The following CCSER1 variants were observed in gnomAD, a reference collection of about 807,000 sequenced individuals.
CCSER1 encodes the protein coiled-coil serine rich protein 1.
CCSER1 carries 41 observed loss-of-function variants against 82.0 expected under a neutral mutation model. The observed-to-expected ratio is 0.50, with a 90% CI of 0.39 to 0.65. The LOEUF is 0.65. CCSER1 is among the 30% of genes least tolerant of loss of function. The probability of loss-of-function intolerance (pLI) is 0.00; values close to 1 mark genes in which losing one functional copy is unlikely to be tolerated. For synonymous variants in CCSER1, 414 were observed against 383.9 expected, an observed-to-expected ratio of 1.08 and a Z score of -0.92; for missense variants, 1,119 against 1,064.2, an observed-to-expected ratio of 1.05 and a Z score of -0.72.
intron 9 of CCSER1, among the ~76,000 whole-genome samples, chr4:90,971,966 A>G (rs1735152249): frequency 6.6e-6 from 1 of 151,954 alleles, no homozygotes; most frequent in Non-Finnish European, 1.5e-5. Flanking sequence ...AATACTATCA[A>G]TATATTGGAT....
chr4:91,491,980 G>T (rs6532312), intron 10 of CCSER1, among the ~76,000 whole-genome samples: 2 of 145,906 alleles, frequency 1.4e-5, no homozygotes, highest in South Asian at 2.1e-4. Flanking sequence ...ATGCGGCAAT[G>T]TATCTAATGA....
chr4:90,719,693 C>A (rs1264452018), intron 6 of CCSER1, among the ~76,000 whole-genome samples: 1 of 152,074 alleles, frequency 6.6e-6, no homozygotes, highest in Non-Finnish European at 1.5e-5. Flanking sequence ...GGGTAGAAGA[C>A]CATAGATGTG....
chr4:90,863,797 CAT>C (rs1201436137), intron 8 of CCSER1, among the ~76,000 whole-genome samples: 4 of 151,662 alleles, frequency 2.6e-5, no homozygotes, highest in South Asian at 2.1e-4. Context: ...AAACTTGAAA[CAT>C]ATTTGCTTAC....
At chr4:91,277,034 A>G (rs1197218088) in intron 10 of CCSER1, among the ~76,000 whole-genome samples, 1 of 151,982 alleles carries the variant, frequency 6.6e-6, no homozygotes, top group African/African-American at 2.4e-5. Flanking sequence ...TATTTTTGAT[A>G]TACTCTTAGA....
intron 1 of CCSER1, among the ~76,000 whole-genome samples, chr4:90,277,716 T>TA (rs60268631): frequency 0.052 from 7,872 of 150,956 alleles, 476 homozygotes; most frequent in African/African-American, 0.15. Flanking sequence ...GCCCTCAAAA[T>TA]AAAAAAAAAT....
At chr4:91,227,446 GT>G (rs534584456) in intron 10 of CCSER1, among the ~76,000 whole-genome samples, 4 of 151,680 alleles carry the variant, frequency 2.6e-5, no homozygotes, top group Non-Finnish European at 4.4e-5. Flanking sequence ...GTGTGTGTGT[GT>G]TTGTGTGTGT....
chr4:90,856,902 T>C (rs1764523909), intron 8 of CCSER1, among the ~76,000 whole-genome samples: 2 of 151,774 alleles, frequency 1.3e-5, no homozygotes. Flanking sequence ...TGGTTGGAAG[T>C]AGACTCTGGC....
chr4:91,186,682 G>C (rs1734571818), intron 10 of CCSER1, among the ~76,000 whole-genome samples: 1 of 152,214 alleles, frequency 6.6e-6, no homozygotes, highest in South Asian at 2.1e-4. Flanking sequence ...CAACAAACCA[G>C]TCATTAGCAT....
chr4:91,564,080 A>G (rs186574387), intron 10 of CCSER1, among the ~76,000 whole-genome samples: 272 of 151,366 alleles, frequency 1.8e-3, no homozygotes, highest in Middle Eastern at 6.8e-3. Context: ...GTTGTTTTCT[A>G]CTCTGTGTTT....
At chr4:90,478,699 T>TA (rs1252072257) in intron 5 of CCSER1, among the ~76,000 whole-genome samples, 17 of 151,382 alleles carry the variant, frequency 1.1e-4, no homozygotes, top group Middle Eastern at 3.5e-3. Flanking sequence ...GATGACAATT[T>TA]AAAAAAAGAA....
At chr4:90,927,994 G>A (rs898632034) in intron 9 of CCSER1, among the ~76,000 whole-genome samples, 2 of 151,878 alleles carry the variant, frequency 1.3e-5, no homozygotes, top group Non-Finnish European at 2.9e-5. Flanking sequence ...GTTTATTAAA[G>A]TTTCTGTTTT....
At chr4:90,459,374 T>C in intron 4 of CCSER1, among the ~76,000 whole-genome samples, 1 of 152,166 alleles carries the variant, frequency 6.6e-6, no homozygotes, top group Non-Finnish European at 1.5e-5. Flanking sequence ...TATTTAATTA[T>C]TAATATTAGT....
chr4:90,583,227 C>A lies in CCSER1; in HGVS notation c.1725-44798C>A, dbSNP rs117975206. On this transcript the variant is annotated intron_variant, in intron 5 of 10. Coordinates refer to ENST00000509176, the MANE Select transcript of CCSER1 (RefSeq NM_001145065.2). The stretch of plus-strand genomic sequence containing the variant: ...TGTCGCCCAGGCTGGAGTGCAATAG[C>A]ACTATCTAGGCTCACTGCAAACTCC... Among the ~76,000 whole-genome samples, 115 of 152,230 alleles carry A rather than the reference C, an allele frequency of 7.6e-4. 1 individual carries two copies. The East Asian group carries it at 0.014, about 19-fold the overall frequency.
chr4:90,468,469 T>G (rs1763921906), intron 5 of CCSER1, 115 bp downstream of exon 5: 1 of 928,730 alleles, frequency 1.1e-6, no homozygotes, highest in Admixed American at 3.2e-5. Flanking sequence ...GAAATAAATT[T>G]TATGGGTTAA....
intron 2 of CCSER1, among the ~76,000 whole-genome samples, chr4:90,309,997 T>C (rs2153479485): frequency 6.6e-6 from 1 of 152,264 alleles, no homozygotes; most frequent in East Asian, 1.9e-4. Flanking sequence ...GTATTTCTTA[T>C]TTAATGAAAT....
intron 5 of CCSER1, among the ~76,000 whole-genome samples, chr4:90,489,143 C>A (rs989858252): frequency 6.6e-6 from 1 of 152,038 alleles, no homozygotes; most frequent in African/African-American, 2.4e-5. Flanking sequence ...AGCCATTTTT[C>A]AACTTTTATT....
intron 9 of CCSER1, among the ~76,000 whole-genome samples, chr4:91,076,683 A>T (rs909786600): frequency 1.3e-5 from 2 of 152,166 alleles, no homozygotes; most frequent in Non-Finnish European, 2.9e-5. Flanking sequence ...AAGGAGTTAC[A>T]TCTGTAAGTC....
At chr4:90,620,406 G>A (rs916914408) in intron 5 of CCSER1, among the ~76,000 whole-genome samples, 3 of 151,914 alleles carry the variant, frequency 2.0e-5, no homozygotes, top group Non-Finnish European at 4.4e-5. Context: ...TATACATGAT[G>A]GACTATTATT....
At chr4:91,103,850 C>T (rs796587656) in intron 10 of CCSER1, among the ~76,000 whole-genome samples, 23 of 152,016 alleles carry the variant, frequency 1.5e-4, no homozygotes, top group African/African-American at 4.6e-4. Flanking sequence ...TGACTGCCTG[C>T]GGGGTCGGGC....
Sources: gnomAD v4.1 joint callset for allele counts (sites outside exome capture counted in the v4.1 genomes callset) on GRCh38, gnomAD v4.1.1 for gene constraint, MANE v1.5 for transcripts, NCBI Gene and HGNC (gene_info 2026-07-23, HGNC 2026-07-21) for gene names.